Variants in PLEKHA4 observed in about 807,000 individuals in gnomAD.
PLEKHA4 encodes the protein pleckstrin homology domain-containing family A member 4.
In PLEKHA4, 73 loss-of-function variants were observed where a neutral mutation model predicts 94.7. The ratio of observed to expected loss-of-function variants is 0.77; its 90% CI spans 0.64 to 0.94. The LOEUF is 0.94. Among genes scored for constraint, PLEKHA4 ranks in the 40% least tolerant of loss-of-function variants. The pLI is 0.00. For missense variants in PLEKHA4, 1,049 were observed against 1,054.1 expected, an observed-to-expected ratio of 1.00 and a Z score of 0.07; for synonymous variants, 449 against 437.1, an observed-to-expected ratio of 1.03 and a Z score of -0.34.
rs944453923 is a variant in PLEKHA4 at position 48,858,722 on chromosome 19, T to G, written c.972+138A>C. On this transcript the variant is annotated intron_variant, in intron 8 of 19. Coordinates refer to ENST00000263265, the MANE Select transcript of PLEKHA4 (RefSeq NM_020904.3). ...GGACACCTGATAGGTTCAAGCTCTC[T>G]CTCACCTGAGCCCAGCTGAGATCAT... 61 of 963,396 alleles carry G rather than the reference T, an allele frequency of 6.3e-5. No individual in the cohort carries two copies. The Middle Eastern group carries it at 8.5e-4, about 13-fold the overall frequency. The allele number at this position is 963,396 out of a possible 1,614,324, so 59.7% of individuals were successfully genotyped here.
chr19:48,867,770 G>T lies in PLEKHA4; in HGVS notation c.-6-144C>A. 1.3e-6 allele frequency: 1 copy of T among 762,048 alleles called. No homozygotes were observed. Among genetic ancestry groups the T allele is most frequent in the Non-Finnish European group, 2.1e-6 (1 of 467,420 alleles). The allele number at this position is 762,048 out of a possible 1,614,324, so 47.2% of individuals were successfully genotyped here. ...GGGGGGCTGGGGGAGGCCATGGCCC[G>T]TGACCACATACCAAGAGTGGTGCCA... On this transcript the variant is annotated intron_variant, in intron 1 of 19. Coordinates refer to ENST00000263265, the MANE Select transcript of PLEKHA4 (RefSeq NM_020904.3). This position sits in a 1 kb window ranked among gnomAD's most constrained non-coding sequence, Gnocchi z 4.7.
intron 12 of PLEKHA4, 23 bp downstream of exon 12, chr19:48,853,659 C>A: frequency 6.6e-7 from 1 of 1,510,662 alleles, no homozygotes; most frequent in Non-Finnish European, 8.8e-7. Flanking sequence ...CCTAGGAGGG[C>A]AGGCCCCTTC....
intron 13 of PLEKHA4, among the ~76,000 whole-genome samples, chr19:48,851,164 G>C (rs1413865008): frequency 6.6e-6 from 1 of 151,964 alleles, no homozygotes; most frequent in African/African-American, 2.4e-5. Context: ...AAATAAAAGA[G>C]TATAATGGAT....
chr19:48,865,436 A>G, intron 3 of PLEKHA4, 67 bp downstream of exon 3: 1 of 1,210,632 alleles, frequency 8.3e-7, no homozygotes. Context: ...GGGACTTGCA[A>G]GGAGAGAGAC....
intron 17 of PLEKHA4, among the ~76,000 whole-genome samples, chr19:48,840,794 C>T (rs1599864265): frequency 6.6e-6 from 1 of 152,268 alleles, no homozygotes; most frequent in South Asian, 2.1e-4. Context: ...AGATCTGGGA[C>T]GTTCTTCCTA....
Position 48,841,213 on chromosome 19 carries a change from G to C in PLEKHA4, c.1841C>G (p.Pro614Arg), listed in dbSNP as rs373304202. The C allele has an allele frequency of 3.1e-6, 5 of 1,613,284 alleles. No individual in the cohort carries two copies. The highest frequency in any genetic ancestry group is 2.2e-5 in the East Asian group (1 of 44,876). Reference protein sequence around the residue: ...CGRPFPRPTSPRLLTLGRTLS... With the variant: ...CGRPFPRPTSRRLLTLGRTLS... ...TGTCCTTCCCAGGGTGAGAAGCCGG[G>C]GGGAGGTCGGGCGAGGGAAGGGCCG... The change falls in exon 17 of 20, where the codon CCC (proline) becomes CGC (arginine). Residue 614 changes from proline to arginine, a missense_variant. Pro to Arg is a moderately radical substitution (Grantham distance 103, BLOSUM62 -2). Transcript: ENST00000263265.
chr19:48,855,865 C>T (rs117187030), intron 9 of PLEKHA4, among the ~76,000 whole-genome samples: 2,089 of 151,392 alleles, frequency 0.014, 15 homozygotes, highest in South Asian at 0.029. Context: ...CCTGTCTCTA[C>T]AAAAAGTAGA....
At position 48,853,548 on chromosome 19, in the gene PLEKHA4, A is replaced by C. The variant is rs969859770; in HGVS notation, c.1326+134T>G. ...GGTTACAAGACAATGAGGAGAGAGA[A>C]AAAATAATAAAATTTGGAGTGTAGA... On this transcript the variant is annotated intron_variant, in intron 12 of 19. Coordinates refer to ENST00000263265, the MANE Select transcript of PLEKHA4 (RefSeq NM_020904.3). 1.9e-5 allele frequency: 19 copies of C among 1,007,442 alleles called. No individual in the cohort carries two copies. The Admixed American group carries it at 6.5e-4, about 35-fold the overall frequency. 62.4% of individuals were successfully genotyped at this position (1,007,442 alleles called of 1,614,324 possible).
chr19:48,859,873 C>G, intron 6 of PLEKHA4, 189 bp from the exon 7 acceptor site: 3 of 633,436 alleles, frequency 4.7e-6, no homozygotes, highest in Non-Finnish European at 8.2e-6. Context: ...CAGGCCACAA[C>G]GTCTATCCAG....
At chr19:48,847,730 T>C (rs546743282) in intron 14 of PLEKHA4, among the ~76,000 whole-genome samples, 170 bp downstream of exon 14, 1 of 151,942 alleles carries the variant, frequency 6.6e-6, no homozygotes, top group African/African-American at 2.4e-5. Flanking sequence ...AGACTACGTC[T>C]CAAAAAAACC....
rs140457819 is a variant in PLEKHA4, at chr19:48,845,538, C to G, written c.1645G>C (p.Asp549His). Reference sequence around the variant, plus strand: ...TCACCTAAGTGAGGGCTGGCGAGGTCTTTGTCGCCTCCAGGAGGCCGCCCC... The same window carrying G: ...TCACCTAAGTGAGGGCTGGCGAGGTGTTTGTCGCCTCCAGGAGGCCGCCCC... ...DWGRPPGGDK[D>H]LASPHLGLGS... Residue 549 changes from aspartate to histidine, a missense_variant, in exon 15 of 20, where the codon GAC (aspartate) becomes CAC (histidine). Coordinates refer to ENST00000263265, the MANE Select transcript of PLEKHA4 (RefSeq NM_020904.3). 6.2e-6 allele frequency: 10 copies of G among 1,611,404 alleles called. No homozygotes were observed. In the Admixed American group the frequency reaches 1.2e-4, roughly 19 times the overall value.
intron 3 of PLEKHA4, among the ~76,000 whole-genome samples, chr19:48,865,287 G>A (rs1354080245): frequency 6.6e-6 from 1 of 152,078 alleles, no homozygotes; most frequent in Non-Finnish European, 1.5e-5. Context: ...AGGTTGCATT[G>A]AGCCGAGATC....
chr19:48,841,957 A>T (rs1319783973), intron 16 of PLEKHA4, among the ~76,000 whole-genome samples: 1 of 152,092 alleles, frequency 6.6e-6, no homozygotes, highest in African/African-American at 2.4e-5. Context: ...AAAAGTAAAA[A>T]GTAAAGACAG....
At chr19:48,859,782 G>T (rs992828594) in intron 6 of PLEKHA4, 98 bp from the exon 7 acceptor site, 1 of 1,137,086 alleles carries the variant, frequency 8.8e-7, no homozygotes, top group Non-Finnish European at 1.3e-6. Flanking sequence ...CCCAAAAAAG[G>T]AAAGTTGTGC....
chr19:48,857,099 A>G (rs962607614), intron 9 of PLEKHA4, among the ~76,000 whole-genome samples: 2 of 151,984 alleles, frequency 1.3e-5, no homozygotes, highest in Non-Finnish European at 2.9e-5. Context: ...CATAAAAAAA[A>G]CCACAGAACC....
rs1484701777 is a variant in PLEKHA4 at position 48,858,896 on chromosome 19, C to T, written c.936G>A (p.Arg312=). The change falls in exon 8 of 20, where the codon AGG becomes AGA. Residue 312 remains arginine (R), a synonymous_variant. Transcript: ENST00000263265. ...GCTCCTGACTCCAGTGCTGGGGACT[C>T]CTGGGGGGCTTTCCTCCCCCAGCCT... ...PSEAGGGKPP[R]SPQHWSQEPR... 6 of 1,608,800 alleles carry T rather than the reference C, an allele frequency of 3.7e-6. No individual in the cohort carries two copies. Among genetic ancestry groups the T allele is most frequent in the Middle Eastern group, 1.7e-4 (1 of 6,038 alleles).
At position 48,867,468 on chromosome 19, in the gene PLEKHA4, T is replaced by C. The variant is rs967145908; in HGVS notation, c.84+69A>G. 30 of 1,514,440 alleles carry C rather than the reference T, an allele frequency of 2.0e-5. No individual in the cohort carries two copies. In the African/African-American group the frequency reaches 3.2e-4, roughly 16 times the overall value. The allele number at this position is 1,514,440 out of a possible 1,614,324, so 93.8% of individuals were successfully genotyped here. A position where few individuals can be genotyped will look rare whatever the true frequency, so the allele number is the denominator to read the frequency against. ...TCTTTGTCCTTAACAACCAGAGTCC[T>C]TGGGGAAACAGAAGGATGGGCGGCC... On this transcript the variant is annotated intron_variant, in intron 2 of 19. Coordinates refer to ENST00000263265, the MANE Select transcript of PLEKHA4 (RefSeq NM_020904.3). This position sits in a 1 kb window ranked among gnomAD's most constrained non-coding sequence, Gnocchi z 4.7.
intron 13 of PLEKHA4, among the ~76,000 whole-genome samples, chr19:48,851,926 A>G (rs994611831): frequency 6.6e-6 from 1 of 152,192 alleles, no homozygotes; most frequent in African/African-American, 2.4e-5. Flanking sequence ...CCTGGGCGAC[A>G]GAGTGAGACT....
At position 48,852,116 on chromosome 19, in the gene PLEKHA4, G is replaced by A. The variant is rs2036216443; in HGVS notation, c.1425+112C>T. ...ATTGAAAGGACAGAAAGGAGGCTAA[G>A]GGTCAACTGGGCGGGGCCTCGATTC... On this transcript the variant is annotated intron_variant, in intron 13 of 19. Transcript: ENST00000263265. The A allele has an allele frequency of 5.2e-6, 4 of 776,258 alleles. No homozygotes were observed. In the South Asian group the frequency reaches 6.2e-5, roughly 12 times the overall value. The allele number at this position is 776,258 out of a possible 1,614,324, so 48.1% of individuals were successfully genotyped here. A position where few individuals can be genotyped will look rare whatever the true frequency, so the allele number is the denominator to read the frequency against.
Sources: allele counts gnomAD v4.1 joint callset (sites outside exome capture counted in the v4.1 genomes callset), GRCh38; gene constraint gnomAD v4.1.1; non-coding constraint Gnocchi (gnomAD v3.1); transcripts MANE v1.5; gene names NCBI Gene and HGNC (gene_info 2026-07-23, HGNC 2026-07-21).